KSR2: variants seen among roughly 807,000 people sequenced by gnomAD.
KSR2 encodes the protein kinase suppressor of ras 2.
In KSR2, 25 loss-of-function variants were observed where a neutral mutation model predicts 107.8. That is an observed-to-expected ratio of 0.23 (90% CI 0.17 to 0.32). KSR2 has a LOEUF of 0.32. Ranked by LOEUF, KSR2 falls within the 10% of genes least tolerant of loss-of-function variation. The pLI, the probability that KSR2 is intolerant of heterozygous loss-of-function variation, is 1.00. For synonymous variants in KSR2, 480 were observed against 507.0 expected, an observed-to-expected ratio of 0.95 and a Z score of 0.71; for missense variants, 887 against 1,268.9, an observed-to-expected ratio of 0.70 and a Z score of 4.57.
intron 3 of KSR2, among the ~76,000 whole-genome samples, chr12:117,852,599 T>C (rs929076362): frequency 2.0e-5 from 3 of 152,122 alleles, no homozygotes; most frequent in Non-Finnish European, 2.9e-5. Context: ...GCCTCTCTCA[T>C]GGAAACTGGA....
At chr12:117,693,474 C>G (rs1026488980) in intron 4 of KSR2, among the ~76,000 whole-genome samples, 1 of 152,170 alleles carries the variant, frequency 6.6e-6, no homozygotes, top group Non-Finnish European at 1.5e-5. Flanking sequence ...ACATCCTCCT[C>G]CCCCACATCT....
At chr12:117,763,811 G>A (rs960783067) in intron 3 of KSR2, among the ~76,000 whole-genome samples, 4 of 152,122 alleles carry the variant, frequency 2.6e-5, no homozygotes, top group Non-Finnish European at 5.9e-5. Context: ...GGTATCTCAG[G>A]GAGTTGCAAG....
chr12:117,693,147 G>A (rs914518019), intron 4 of KSR2, among the ~76,000 whole-genome samples: 2 of 152,174 alleles, frequency 1.3e-5, no homozygotes, highest in African/African-American at 4.8e-5. Flanking sequence ...GGGAGGCCGA[G>A]GTTCTGGAGG....
chr12:117,621,222 T>C (rs1046875091), intron 5 of KSR2, among the ~76,000 whole-genome samples: 3 of 152,220 alleles, frequency 2.0e-5, no homozygotes, highest in Non-Finnish European at 2.9e-5. Context: ...CCTGCCACCA[T>C]GTAAGACATG....
intron 1 of KSR2, among the ~76,000 whole-genome samples, chr12:117,864,339 G>T (rs750537566): frequency 1.3e-5 from 2 of 152,170 alleles, no homozygotes; most frequent in Non-Finnish European, 2.9e-5. Context: ...GGAAAAGCTA[G>T]ACTAAATCCT....
At chr12:117,725,493 G>C (rs1421520671) in intron 4 of KSR2, among the ~76,000 whole-genome samples, 1 of 152,158 alleles carries the variant, frequency 6.6e-6, no homozygotes, top group Non-Finnish European at 1.5e-5. Context: ...TGGAAAATAA[G>C]GAGCTTCCAT....
chr12:117,724,104 C>T (rs1037593853), intron 4 of KSR2, among the ~76,000 whole-genome samples: 5 of 151,902 alleles, frequency 3.3e-5, no homozygotes, highest in African/African-American at 4.8e-5. Flanking sequence ...GTCAGGAGTT[C>T]GAGACCAGCC....
At chr12:117,808,886 C>A (rs1049274466) in intron 3 of KSR2, among the ~76,000 whole-genome samples, 6 of 152,200 alleles carry the variant, frequency 3.9e-5, no homozygotes, top group Non-Finnish European at 8.8e-5. Context: ...TAGAGCACTT[C>A]TAGACATGGT....
intron 5 of KSR2, among the ~76,000 whole-genome samples, chr12:117,625,288 A>G (rs906081788): frequency 3.3e-5 from 5 of 152,220 alleles, no homozygotes; most frequent in African/African-American, 1.2e-4. Flanking sequence ...GCCAGTTTTC[A>G]AAGGGAATGC....
At chr12:117,754,129 A>G (rs1250816288) in intron 4 of KSR2, among the ~76,000 whole-genome samples, 3 of 152,186 alleles carry the variant, frequency 2.0e-5, no homozygotes, top group Non-Finnish European at 4.4e-5. Flanking sequence ...TAGACTAATC[A>G]TAGCAGTTCT....
intron 1 of KSR2, among the ~76,000 whole-genome samples, chr12:117,942,865 G>C (rs1023320854): frequency 6.6e-6 from 1 of 152,128 alleles, no homozygotes; most frequent in Non-Finnish European, 1.5e-5. Flanking sequence ...ATTTATTAAG[G>C]CTGTGTTTAT....
In KSR2 at chr12:117,456,077, C is replaced by A. The variant is rs1034738565; in HGVS notation, c.*11122G>T. On this transcript the variant is annotated 3_prime_UTR_variant, in exon 20 of 20. Transcript: ENST00000339824. ...GTGTGTTTTGATGGGGTGGGGAGTA[C>A]AATCTATGATATTCCTTGATAGGTT... 2 of 152,170 alleles carry A rather than the reference C, an allele frequency of 1.3e-5. No homozygotes were observed. Among genetic ancestry groups the A allele is most frequent in the Non-Finnish European group, 2.9e-5 (2 of 68,050 alleles). 9.4% of individuals were successfully genotyped at this position (152,170 alleles called of 1,614,324 possible). A position where few individuals can be genotyped will look rare whatever the true frequency, so the allele number is the denominator to read the frequency against.
chr12:117,773,868 G>C, intron 3 of KSR2, among the ~76,000 whole-genome samples: 1 of 149,800 alleles, frequency 6.7e-6, no homozygotes, highest in Middle Eastern at 3.5e-3. Context: ...ACTGTTTGCT[G>C]TGCCCCTACC....
At chr12:117,636,370 T>G (rs970004397) in intron 5 of KSR2, among the ~76,000 whole-genome samples, 3 of 148,500 alleles carry the variant, frequency 2.0e-5, no homozygotes, top group Admixed American at 6.7e-5. Context: ...TGGATATATG[T>G]ATATGGAGAT....
chr12:117,867,257 A>T (rs1277927835), intron 1 of KSR2, among the ~76,000 whole-genome samples: 1 of 152,094 alleles, frequency 6.6e-6, no homozygotes, highest in Non-Finnish European at 1.5e-5. Flanking sequence ...TCGAAGCTGC[A>T]GTGAGCTGTG....
chr12:117,482,299 C>A (rs942463686), intron 16 of KSR2, among the ~76,000 whole-genome samples: 2 of 152,110 alleles, frequency 1.3e-5, no homozygotes, highest in Non-Finnish European at 2.9e-5. Flanking sequence ...ACCCCCTCCC[C>A]GCCATCTGAT....
intron 4 of KSR2, among the ~76,000 whole-genome samples, chr12:117,757,416 G>A (rs184172029): frequency 1.4e-3 from 216 of 152,328 alleles, no homozygotes; most frequent in Non-Finnish European, 2.6e-3. Context: ...TTGTTGAAAT[G>A]ACAAGAAACA....
chr12:117,725,593 T>C (rs2136703658), intron 4 of KSR2, among the ~76,000 whole-genome samples: 1 of 152,044 alleles, frequency 6.6e-6, no homozygotes, highest in Non-Finnish European at 1.5e-5. Flanking sequence ...TAAAAGAAAA[T>C]AGAACATTGA....
chr12:117,669,223 C>T (rs761043046), intron 4 of KSR2, among the ~76,000 whole-genome samples: 97 of 152,162 alleles, frequency 6.4e-4, no homozygotes, highest in Middle Eastern at 6.8e-3. Context: ...CTCACTGAAA[C>T]GGGTAATAGT....
Sources: allele counts gnomAD v4.1 joint callset (sites outside exome capture counted in the v4.1 genomes callset), GRCh38; gene constraint gnomAD v4.1.1; transcripts MANE v1.5; gene names NCBI Gene and HGNC (gene_info 2026-07-23, HGNC 2026-07-21).